The following LMO4 variants were observed in gnomAD, a reference collection of about 807,000 sequenced individuals.
LMO4 encodes LIM domain only 4.
A neutral mutation model predicts 18.5 loss-of-function variants in LMO4; 3 were observed. That is an observed-to-expected ratio of 0.16 (90% CI 0.07 to 0.42). The LOEUF is 0.42. Ranked by LOEUF, LMO4 falls within the 10% of genes least tolerant of loss-of-function variation. The pLI, the probability that LMO4 is intolerant of heterozygous loss-of-function variation, is 0.99. For missense variants in LMO4, 121 were observed against 219.9 expected (o/e 0.55, Z 2.84); for synonymous variants, 100 against 88.1 (o/e 1.14, Z -0.76).
chr1:87,332,458 T>C (rs1345996037), intron 2 of LMO4, among the ~76,000 whole-genome samples: 1 of 152,234 alleles, frequency 6.6e-6, no homozygotes, highest in Non-Finnish European at 1.5e-5. Context: ...AATGCCATAC[T>C]AAGTAAAGAC....
Position 87,345,014 on chromosome 1 carries a change from G to T in LMO4, c.*218G>T. On this transcript the variant is annotated 3_prime_UTR_variant, in exon 5 of 5. Coordinates refer to ENST00000370544, the MANE Select transcript of LMO4 (RefSeq NM_006769.4). ...AGGACTCCATGAACCTGGGCTAATG[G>T]GAGACTGTAGAGAAAATGAAAAAAG... 1 of 357,272 alleles carries T rather than the reference G, an allele frequency of 2.8e-6. No individual in the cohort carries two copies. Among genetic ancestry groups the T allele is most frequent in the African/African-American group, 2.1e-5 (1 of 46,626 alleles). The allele number at this position is 357,272 out of a possible 1,614,324, so 22.1% of individuals were successfully genotyped here. A position where few individuals can be genotyped will look rare whatever the true frequency, so the allele number is the denominator to read the frequency against.
intron 4 of LMO4, among the ~76,000 whole-genome samples, chr1:87,343,790 C>T (rs1172796247): frequency 1.3e-5 from 2 of 152,184 alleles, no homozygotes; most frequent in East Asian, 1.9e-4. Context: ...GCCTTCACCA[C>T]TTTAATTAGC....
chr1:87,336,749 C>T (rs1037027385), intron 2 of LMO4, among the ~76,000 whole-genome samples: 1 of 152,092 alleles, frequency 6.6e-6, no homozygotes, highest in Non-Finnish European at 1.5e-5. Context: ...GAAACTGAAA[C>T]CGATTCTGTC....
rs918423443 is a variant in LMO4 at position 87,339,897 on chromosome 1, T to G, written c.334-150T>G. The G allele has an allele frequency of 4.2e-5, 36 of 867,146 alleles. No individual in the cohort carries two copies. The South Asian group carries it at 6.3e-4, about 15-fold the overall frequency. 53.7% of individuals were successfully genotyped at this position (867,146 alleles called of 1,614,324 possible). A position where few individuals can be genotyped will look rare whatever the true frequency, so the allele number is the denominator to read the frequency against. On this transcript the variant is annotated intron_variant, in intron 3 of 4. Transcript: ENST00000370544. Reference sequence around the variant, plus strand: ...GTTGATAGCAATTTGGCTTACTGTTTTCTGGAGATCTGTCAAAGGAAGAAA... The same window carrying G: ...GTTGATAGCAATTTGGCTTACTGTTGTCTGGAGATCTGTCAAAGGAAGAAA...
chr1:87,337,704 C>T (rs186568469), intron 2 of LMO4, among the ~76,000 whole-genome samples: 6 of 152,250 alleles, frequency 3.9e-5, no homozygotes, highest in East Asian at 1.9e-4. Context: ...GCACTACTGC[C>T]GTCCATAAAT....
At chr1:87,338,504 G>C (rs1650377545) in intron 2 of LMO4, among the ~76,000 whole-genome samples, 1 of 152,184 alleles carries the variant, frequency 6.6e-6, no homozygotes, top group African/African-American at 2.4e-5. Context: ...ATATTAAAGA[G>C]GGAAGCCCAA....
chr1:87,335,380 C>T (rs973890766), intron 2 of LMO4, among the ~76,000 whole-genome samples: 2 of 151,958 alleles, frequency 1.3e-5, no homozygotes, highest in African/African-American at 4.8e-5. Context: ...CCCTCGCTCC[C>T]TAGGCGGCCA....
chr1:87,345,054 A>T lies in LMO4; in HGVS notation c.*258A>T. On this transcript the variant is annotated 3_prime_UTR_variant, in exon 5 of 5. Transcript: ENST00000370544. ...AATGAAAAAAGATCCACCAGAGGAC[A>T]TCTTGGGGAGGGGGAGGGAGCTGGG... The T allele has an allele frequency of 2.0e-5, 3 of 152,844 alleles. No individual in the cohort carries two copies. Among genetic ancestry groups the T allele is most frequent in the Non-Finnish European group, 4.2e-5 (3 of 71,586 alleles). 9.5% of individuals were successfully genotyped at this position (152,844 alleles called of 1,614,324 possible).
intron 4 of LMO4, among the ~76,000 whole-genome samples, chr1:87,340,494 TTA>T (rs1301814116): frequency 6.6e-6 from 1 of 152,232 alleles, no homozygotes; most frequent in Non-Finnish European, 1.5e-5. Flanking sequence ...ATATAACTGG[TTA>T]TTTATTCCAT....
chr1:87,343,429 G>T (rs72728010), intron 4 of LMO4, among the ~76,000 whole-genome samples: 1 of 152,262 alleles, frequency 6.6e-6, no homozygotes, highest in South Asian at 2.1e-4. Context: ...AGAGGGTTAT[G>T]TAAATCAGGA....
In LMO4 at chr1:87,347,520, G is replaced by C. The variant is rs1570272213; in HGVS notation, c.*2724G>C. 1 of 151,970 alleles carries C rather than the reference G, an allele frequency of 6.6e-6. No homozygotes were observed. The highest frequency in any genetic ancestry group is 2.4e-5 in the African/African-American group (1 of 41,374). The allele number at this position is 151,970 out of a possible 1,614,324, so 9.4% of individuals were successfully genotyped here. A position where few individuals can be genotyped will look rare whatever the true frequency, so the allele number is the denominator to read the frequency against. On this transcript the variant is annotated 3_prime_UTR_variant, in exon 5 of 5. Coordinates refer to ENST00000370544, the MANE Select transcript of LMO4 (RefSeq NM_006769.4). ...ATCCATTGCATTTGTGATGTTATTA[G>C]TTAGCAAGATGGACACTGTTCTTTA... is the stretch of plus-strand genomic sequence containing the variant.
chr1:87,341,111 C>T (rs1438335794), intron 4 of LMO4, among the ~76,000 whole-genome samples: 1 of 152,160 alleles, frequency 6.6e-6, no homozygotes, highest in Non-Finnish European at 1.5e-5. Context: ...ACTGTTCATT[C>T]CACACCGGCC....
At chr1:87,330,262 C>A (rs1182809871) in intron 1 of LMO4, among the ~76,000 whole-genome samples, 1 of 151,782 alleles carries the variant, frequency 6.6e-6, no homozygotes, top group Non-Finnish European at 1.5e-5. Flanking sequence ...AGCTTGGAAT[C>A]TCCTCCCTCA....
intron 1 of LMO4, among the ~76,000 whole-genome samples, chr1:87,330,749 ACT>A (rs1650115668): frequency 6.6e-6 from 1 of 152,074 alleles, no homozygotes; most frequent in African/African-American, 2.4e-5. Flanking sequence ...GGGAGCCCAC[ACT>A]CTCAGCTTAC....
chr1:87,339,990 AC>A (rs1294410127), intron 3 of LMO4, 56 bp from the exon 4 acceptor site: 1 of 1,572,016 alleles, frequency 6.4e-7, no homozygotes, highest in African/African-American at 1.4e-5. Context: ...TAAACTTGTG[AC>A]CAAAAAAAGA....
intron 1 of LMO4, chr1:87,331,620 T>C (rs1650149783): frequency 4.8e-6 from 1 of 207,830 alleles, no homozygotes; most frequent in African/African-American, 2.5e-5. Flanking sequence ...CCTCATTTGC[T>C]GGAGGCGGGC....
chr1:87,331,843 TCCCTTCTTCC>T, intron 1 of LMO4, 160 bp from the exon 2 acceptor site: 9 of 578,290 alleles, frequency 1.6e-5, no homozygotes, highest in Admixed American at 6.3e-5. Context: ...CCGGCGAGCC[TCCCTTCTTCC>T]CTCTCCCCCT....
chr1:87,340,040 C>CT lies in LMO4; in HGVS notation c.334-4dup. 6.2e-7 allele frequency: 1 copy of CT among 1,607,502 alleles called. No individual in the cohort carries two copies. The highest frequency in any genetic ancestry group is 8.5e-7 in the Non-Finnish European group (1 of 1,177,762). On this transcript the variant is annotated splice_polypyrimidine_tract_variant and splice_region_variant and intron_variant, in intron 3 of 4. Transcript: ENST00000370544. ...TTGTTTTCAGTGGGTTTGTTTTTCC[C>CT]TTTCAGTGTTTTACATGCTCTACCT...
At chr1:87,344,280 C>T (rs1387370584) in intron 4 of LMO4, among the ~76,000 whole-genome samples, 2 of 152,154 alleles carry the variant, frequency 1.3e-5, no homozygotes, top group African/African-American at 4.8e-5. Flanking sequence ...AAAGTGCTCC[C>T]ATATGTATTA....
Sources: allele counts gnomAD v4.1 joint callset (sites outside exome capture counted in the v4.1 genomes callset), GRCh38; gene constraint gnomAD v4.1.1; transcripts MANE v1.5; gene names NCBI Gene and HGNC (gene_info 2026-07-23, HGNC 2026-07-21).